The following LUZP2 variants were observed in gnomAD, a reference collection of about 807,000 sequenced individuals.
The protein encoded by LUZP2 is leucine zipper protein 2.
Under a neutral mutation model 51.6 loss-of-function variants are expected in LUZP2, and 52 were observed. That is an observed-to-expected ratio of 1.01 (90% CI 0.81 to 1.27). LUZP2 has a LOEUF of 1.27. Ranked by LOEUF, LUZP2 falls within the 50% of genes most tolerant of loss-of-function variation. LUZP2 has a pLI of 0.00. For synonymous variants in LUZP2, 154 were observed against 137.3 expected (o/e 1.12, Z -0.85); for missense variants, 436 against 395.4 (o/e 1.10, Z -0.87).
At chr11:24,531,039 TTTATTATTA>T (rs367681666) in intron 1 of LUZP2, among the ~76,000 whole-genome samples, 2 of 144,838 alleles carry the variant, frequency 1.4e-5, no homozygotes, top group Admixed American at 1.4e-4. Context: ...TTTAGCCTCT[TTTATTATTA>T]TTATTATTAT....
At chr11:24,740,138 T>C (rs1254546034) in intron 4 of LUZP2, among the ~76,000 whole-genome samples, 1 of 152,158 alleles carries the variant, frequency 6.6e-6, no homozygotes, top group Non-Finnish European at 1.5e-5. Flanking sequence ...CTATTTTCTC[T>C]GGTTCTCATA....
chr11:24,990,204 T>G (rs1470567432), intron 9 of LUZP2, among the ~76,000 whole-genome samples: 1 of 152,050 alleles, frequency 6.6e-6, no homozygotes. Flanking sequence ...TTCAGGTTGC[T>G]TATATCTAGC....
chr11:24,732,167 T>G lies in LUZP2; in HGVS notation c.230T>G (p.Leu77Arg), dbSNP rs1271372754. 6.2e-7 allele frequency: 1 copy of G among 1,609,292 alleles called. No individual in the cohort carries two copies. Among genetic ancestry groups the G allele is most frequent in the Admixed American group, 1.7e-5 (1 of 59,604 alleles). Reference sequence around the variant, plus strand: ...GCCAAAACTGATGTTCAGAAACTTCTGGAATTAGGACAGAAACAAAGGTAA... The same window carrying G: ...GCCAAAACTGATGTTCAGAAACTTCGGGAATTAGGACAGAAACAAAGGTAA... Reference protein sequence around the residue: ...QSAKTDVQKLLELGQKQREEM... With the variant: ...QSAKTDVQKLRELGQKQREEM... The change falls in exon 3 of 12, where the codon CTG becomes CGG. Residue 77 changes from leucine (L) to arginine (R), a missense_variant. Leu to Arg is a moderately radical substitution (Grantham distance 102). Transcript: ENST00000336930.
chr11:24,987,605 A>G (rs1282063553), intron 9 of LUZP2, among the ~76,000 whole-genome samples: 1 of 151,834 alleles, frequency 6.6e-6, no homozygotes, highest in Non-Finnish European at 1.5e-5. Flanking sequence ...TTGGAAAAGG[A>G]TGATTTGTTA....
intron 5 of LUZP2, among the ~76,000 whole-genome samples, chr11:24,798,311 C>T (rs1033634499): frequency 6.6e-6 from 1 of 151,754 alleles, no homozygotes; most frequent in Non-Finnish European, 1.5e-5. Context: ...TTGATTCTTC[C>T]ACCTCATTCC....
intron 1 of LUZP2, among the ~76,000 whole-genome samples, chr11:24,709,065 A>C (rs1857723635): frequency 6.6e-6 from 1 of 152,182 alleles, no homozygotes; most frequent in Non-Finnish European, 1.5e-5. Context: ...TAAGCAAAGA[A>C]GAGGATTTTC....
chr11:24,904,775 C>A (rs1450017457), intron 5 of LUZP2, among the ~76,000 whole-genome samples: 2 of 151,914 alleles, frequency 1.3e-5, no homozygotes, highest in East Asian at 3.9e-4. Context: ...TCAATAATAA[C>A]CTTGACTATA....
intron 1 of LUZP2, among the ~76,000 whole-genome samples, chr11:24,711,383 G>C (rs1857817449): frequency 6.6e-6 from 1 of 152,096 alleles, no homozygotes; most frequent in African/African-American, 2.4e-5. Context: ...CCGGGAGGCG[G>C]AGCTTGCAGT....
intron 7 of LUZP2, among the ~76,000 whole-genome samples, chr11:24,924,956 G>A (rs1280530916): frequency 1.3e-5 from 2 of 151,980 alleles, no homozygotes; most frequent in Non-Finnish European, 2.9e-5. Context: ...GATTGTAAAA[G>A]TCTATCAAAC....
At chr11:24,876,055 T>C (rs1193056077) in intron 5 of LUZP2, among the ~76,000 whole-genome samples, 20 of 152,184 alleles carry the variant, frequency 1.3e-4, no homozygotes, top group East Asian at 1.9e-4. Context: ...CTGTAGGTTG[T>C]CTGTTCACTC....
intron 7 of LUZP2, among the ~76,000 whole-genome samples, chr11:24,937,515 T>C (rs762293002): frequency 1.1e-4 from 16 of 152,232 alleles, no homozygotes; most frequent in Admixed American, 2.0e-4. Context: ...TGAATTGTTT[T>C]ATTTTTTCCT....
intron 9 of LUZP2, among the ~76,000 whole-genome samples, chr11:25,044,011 T>G (rs1259210729): frequency 7.6e-6 from 1 of 131,960 alleles, no homozygotes; most frequent in African/African-American, 3.3e-5. Flanking sequence ...ATATATAGTC[T>G]ATATATATCT....
intron 9 of LUZP2, among the ~76,000 whole-genome samples, chr11:24,998,405 G>A (rs1339630440): frequency 6.6e-6 from 1 of 152,128 alleles, no homozygotes; most frequent in Non-Finnish European, 1.5e-5. Context: ...GTTCACTCAT[G>A]ATTTGGCTCT....
intron 9 of LUZP2, among the ~76,000 whole-genome samples, chr11:25,043,495 G>C (rs1458724808): frequency 6.6e-6 from 1 of 150,632 alleles, no homozygotes; most frequent in African/African-American, 2.4e-5. Flanking sequence ...AAAGCAAAAA[G>C]CACACTGCGA....
chr11:24,593,437 G>A (rs754210654), intron 1 of LUZP2, among the ~76,000 whole-genome samples: 1 of 152,178 alleles, frequency 6.6e-6, no homozygotes, highest in Non-Finnish European at 1.5e-5. Context: ...ACTGAAGGCT[G>A]TTCAAGAGAG....
chr11:24,666,117 C>T (rs1387976606), intron 1 of LUZP2, among the ~76,000 whole-genome samples: 1 of 152,048 alleles, frequency 6.6e-6, no homozygotes, highest in African/African-American at 2.4e-5. Context: ...AGTCTCCACA[C>T]TTCACAAACA....
chr11:24,634,780 A>T (rs1053272264), intron 1 of LUZP2, among the ~76,000 whole-genome samples: 1 of 152,134 alleles, frequency 6.6e-6, no homozygotes, highest in Non-Finnish European at 1.5e-5. Context: ...CACAAAATTA[A>T]AGGCGGTACT....
chr11:24,599,286 C>A (rs766236644), intron 1 of LUZP2, among the ~76,000 whole-genome samples: 1 of 152,056 alleles, frequency 6.6e-6, no homozygotes, highest in Non-Finnish European at 1.5e-5. Context: ...TGTTATAGAT[C>A]CTCAAGTGTG....
intron 5 of LUZP2, among the ~76,000 whole-genome samples, chr11:24,884,380 A>G (rs561070655): frequency 6.6e-6 from 1 of 152,182 alleles, no homozygotes; most frequent in South Asian, 2.1e-4. Context: ...ATTCTTATAT[A>G]AAGCATACTG....
Sources: gnomAD v4.1 joint callset for allele counts (sites outside exome capture counted in the v4.1 genomes callset) on GRCh38, gnomAD v4.1.1 for gene constraint, MANE v1.5 for transcripts, NCBI Gene and HGNC (gene_info 2026-07-23, HGNC 2026-07-21) for gene names.